Variants in NSUN4 observed in about 807,000 individuals in gnomAD.
NSUN4 encodes NOP2/Sun RNA methyltransferase 4, also known as 5-cytosine rRNA methyltransferase NSUN4.
Under a neutral mutation model 43.8 loss-of-function variants are expected in NSUN4, and 31 were observed. The ratio of observed to expected loss-of-function variants is 0.71; its 90% CI spans 0.53 to 0.96. The LOEUF (loss-of-function observed/expected upper bound fraction) is 0.96. NSUN4 is among the 40% of genes least tolerant of loss of function. The probability of loss-of-function intolerance (pLI) is 0.00; values close to 1 mark genes in which losing one functional copy is unlikely to be tolerated. For missense variants in NSUN4, 439 were observed against 475.6 expected (o/e 0.92, Z 0.72); for synonymous variants, 167 against 184.1 (o/e 0.91, Z 0.75).
At position 46,361,710 on chromosome 1, in the gene NSUN4, A is replaced by G. The variant is rs1407368044; in HGVS notation, c.1019A>G (p.Asp340Gly). Residue 340 changes from aspartate to glycine, a missense_variant, in exon 6 of 6, where the codon GAT becomes GGT. Physicochemically the swap from Asp to Gly is moderately conservative, Grantham distance 94 (BLOSUM62 -1). Transcript: ENST00000474844. ...TACAGCATCCAGGTACAGGTGGAAG[A>G]TCTGACTCACTTCCGAAGGGTTTTC... ...NQYSIQVQVE[D>G]LTHFRRVFMD... is the part of the protein sequence containing the mutation. 1 of 1,614,110 alleles carries G rather than the reference A, an allele frequency of 6.2e-7. No homozygotes were observed. Among genetic ancestry groups the G allele is most frequent in the African/African-American group, 1.3e-5 (1 of 74,936 alleles).
At chr1:46,383,565 C>T in the NSUN4 span, among the ~76,000 whole-genome samples, 1 of 150,860 alleles carries the variant, frequency 6.6e-6, no homozygotes, top group Non-Finnish European at 1.5e-5. Context: ...ACGCCATTCT[C>T]CTGCCTCAGC....
At chr1:46,343,532 C>A (rs896189484) in intron 1 of NSUN4, 3 of 399,822 alleles carry the variant, frequency 7.5e-6, no homozygotes, top group African/African-American at 2.1e-5. Flanking sequence ...GTAGTGACAG[C>A]GAGAGCAGGA....
intron 3 of NSUN4, among the ~76,000 whole-genome samples, chr1:46,350,516 A>T (rs1662901546): frequency 6.6e-6 from 1 of 152,194 alleles, no homozygotes. Context: ...CCAGGTATCA[A>T]GTGTCATTTA....
chr1:46,352,920 G>A lies in NSUN4; in HGVS notation c.645G>A (p.Lys215=). The A allele has an allele frequency of 6.2e-7, 1 of 1,614,162 alleles. No individual in the cohort carries two copies. The highest frequency in any genetic ancestry group is 1.7e-5 in the Admixed American group (1 of 60,022). ...LSPSRIARLQ[K]ILHSYVPEEI... ...CGTCCCGAATAGCCAGACTACAGAA[G>A]ATCCTTCACAGCTATGTGCCTGAAG... The change falls in exon 4 of 6, where the codon AAG becomes AAA. Residue 215 remains lysine (K), a synonymous_variant. Transcript: ENST00000474844.
chr1:46,344,750 G>C (rs772084729), intron 1 of NSUN4, 51 bp from the exon 2 acceptor site: 150 of 1,516,870 alleles, frequency 9.9e-5, no homozygotes, highest in Non-Finnish European at 1.2e-4. Context: ...CAGGTAGTAG[G>C]GGGTAGAGTC....
In NSUN4 at chr1:46,361,957, T is replaced by C; in HGVS notation, c.*111T>C. 2.0e-6 allele frequency: 2 copies of C among 992,572 alleles called. No homozygotes were observed. Among genetic ancestry groups the C allele is most frequent in the East Asian group, 2.6e-5 (1 of 38,106 alleles). 61.5% of individuals were successfully genotyped at this position (992,572 alleles called of 1,614,324 possible). ...TGCACTCTCGGTCCTGTCTCCATCCTGTTCGTGTCTTTCTGCAGTTTTCGG... is the reference window on the plus strand; with the variant it reads ...TGCACTCTCGGTCCTGTCTCCATCCCGTTCGTGTCTTTCTGCAGTTTTCGG... On this transcript the variant is annotated 3_prime_UTR_variant, in exon 6 of 6. Coordinates refer to ENST00000474844, the MANE Select transcript of NSUN4 (RefSeq NM_199044.4).
the NSUN4 span, among the ~76,000 whole-genome samples, chr1:46,375,660 T>C: frequency 1.4e-5 from 2 of 142,944 alleles, no homozygotes; most frequent in Non-Finnish European, 3.0e-5. Flanking sequence ...TGGCTTGAGC[T>C]CGGCAGGCAG....
chr1:46,342,577 C>T (rs1662190794), intron 1 of NSUN4: 2 of 399,482 alleles, frequency 5.0e-6, no homozygotes, highest in Non-Finnish European at 8.8e-6. Flanking sequence ...CTCATCCTAA[C>T]CCCGGACACC....
In NSUN4 at chr1:46,344,787, CCT is replaced by C. The variant is rs1330714947; in HGVS notation, c.94-7_94-6del. 1.2e-6 allele frequency: 2 copies of C among 1,606,996 alleles called. No homozygotes were observed. The highest frequency in any genetic ancestry group is 1.1e-5 in the South Asian group (1 of 90,148). On this transcript the variant is annotated splice_polypyrimidine_tract_variant and intron_variant, in intron 1 of 5. Coordinates refer to ENST00000474844, the MANE Select transcript of NSUN4 (RefSeq NM_199044.4). ...AGACTGGGAAAACCAATAAGCCTGT[CCT>C]CTCTCTTTTAGGCTGCCACAGAGCC...
chr1:46,361,595 G>A lies in NSUN4; in HGVS notation c.904G>A (p.Gly302Arg). 1 of 1,614,128 alleles carries A rather than the reference G, an allele frequency of 6.2e-7. No homozygotes were observed. Among genetic ancestry groups the A allele is most frequent in the Non-Finnish European group, 8.5e-7 (1 of 1,179,996 alleles). ...GGCTGGACTCCTTGCCACCAAACCA[G>A]GAGGCCATGTTGTCTATTCTACCTG... ...LAAGLLATKPGGHVVYSTCSL... is the reference protein window; with the variant it reads ...LAAGLLATKPRGHVVYSTCSL... The change falls in exon 6 of 6, where the codon GGA (glycine) becomes AGA (arginine). Residue 302 changes from glycine to arginine, a missense_variant. Coordinates refer to ENST00000474844, the MANE Select transcript of NSUN4 (RefSeq NM_199044.4).
chr1:46,349,052 A>G (rs1662767794), intron 3 of NSUN4, among the ~76,000 whole-genome samples: 3 of 151,454 alleles, frequency 2.0e-5, no homozygotes, highest in African/African-American at 2.4e-5. Context: ...TGACCTCGCA[A>G]TCCACCCACC....
At chr1:46,385,001 C>T in the NSUN4 span, among the ~76,000 whole-genome samples, 1 of 152,242 alleles carries the variant, frequency 6.6e-6, no homozygotes, top group Non-Finnish European at 1.5e-5. Flanking sequence ...CAGTGGACTT[C>T]ATAGTCCTTG....
chr1:46,378,898 G>A, the NSUN4 span, among the ~76,000 whole-genome samples: 1 of 152,202 alleles, frequency 6.6e-6, no homozygotes, highest in African/African-American at 2.4e-5. Flanking sequence ...TTTTTCTTAT[G>A]GCAGTGGCAG....
the NSUN4 span, among the ~76,000 whole-genome samples, chr1:46,377,833 A>T: frequency 6.6e-6 from 1 of 152,230 alleles, no homozygotes; most frequent in Non-Finnish European, 1.5e-5. Flanking sequence ...GAGGAAATTC[A>T]GGTACCGAGT....
downstream of NSUN4, among the ~76,000 whole-genome samples, chr1:46,367,028 A>G (rs1664152552): frequency 6.6e-6 from 1 of 152,194 alleles, no homozygotes. Flanking sequence ...AAAAAACACC[A>G]TAGCATTTTA....
intron 4 of NSUN4, among the ~76,000 whole-genome samples, chr1:46,358,397 A>AT (rs1663546919): frequency 1.1e-5 from 1 of 92,698 alleles, no homozygotes. Flanking sequence ...CTCCTGGCCT[A>AT]ATTTTTTTTT....
chr1:46,366,997 C>T (rs1192003826), downstream of NSUN4, among the ~76,000 whole-genome samples: 2 of 152,066 alleles, frequency 1.3e-5, no homozygotes, highest in Non-Finnish European at 1.5e-5. Flanking sequence ...AAGCTTTGGC[C>T]GTTCTCAGAA....
the NSUN4 span, among the ~76,000 whole-genome samples, chr1:46,374,569 A>C: frequency 6.6e-6 from 1 of 152,142 alleles, no homozygotes; most frequent in Non-Finnish European, 1.5e-5. Flanking sequence ...AGAGGGCGCC[A>C]CTGCACTCCA....
the NSUN4 span, among the ~76,000 whole-genome samples, chr1:46,383,103 G>A: frequency 4.6e-5 from 7 of 152,218 alleles, no homozygotes; most frequent in African/African-American, 1.7e-4. Flanking sequence ...AAATCCAGAA[G>A]TACCCAGGAC....
Sources: allele counts gnomAD v4.1 joint callset (sites outside exome capture counted in the v4.1 genomes callset), GRCh38; gene constraint gnomAD v4.1.1; transcripts MANE v1.5; gene names NCBI Gene and HGNC (gene_info 2026-07-23, HGNC 2026-07-21).